AP2A2: variants seen among roughly 807,000 people sequenced by gnomAD.
The protein encoded by AP2A2 is AP-2 complex subunit alpha-2.
AP2A2 carries 32 observed loss-of-function variants against 104.2 expected under a neutral mutation model. The ratio of observed to expected loss-of-function variants is 0.31; its 90% confidence interval spans 0.23 to 0.41. The LOEUF is 0.41. Among genes scored for constraint, AP2A2 ranks in the 10% least tolerant of loss-of-function variants. The pLI, the probability that AP2A2 is intolerant of heterozygous loss-of-function variation, is 1.00. For missense variants in AP2A2, 912 were observed against 1,261.0 expected, an observed-to-expected ratio of 0.72 and a Z score of 4.19; for synonymous variants, 539 against 533.3, an observed-to-expected ratio of 1.01 and a Z score of -0.15.
chr11:971,276 G>A (rs912512339), intron 3 of AP2A2, among the ~76,000 whole-genome samples: 11 of 152,090 alleles, frequency 7.2e-5, no homozygotes, highest in Non-Finnish European at 1.6e-4. Flanking sequence ...GTTGAGCTGA[G>A]GCTGGAGGGA....
chr11:998,405 T>C (rs1252488625), intron 14 of AP2A2, among the ~76,000 whole-genome samples: 1 of 150,604 alleles, frequency 6.6e-6, no homozygotes, highest in Non-Finnish European at 1.5e-5. Context: ...TCATTTATCT[T>C]TGAGTAAAAT....
chr11:953,269 A>G (rs1294841098), intron 1 of AP2A2, among the ~76,000 whole-genome samples: 4 of 151,998 alleles, frequency 2.6e-5, no homozygotes, highest in Admixed American at 2.6e-4. Flanking sequence ...GGTTCAGGCA[A>G]TTCTTCCACT....
intron 1 of AP2A2, chr11:956,766 C>G (rs1015298104): frequency 1.3e-5 from 2 of 152,190 alleles, no homozygotes; most frequent in African/African-American, 4.8e-5. Flanking sequence ...TGTGCGTTTT[C>G]CCTCTTTTGT....
intron 14 of AP2A2, among the ~76,000 whole-genome samples, chr11:998,784 G>A (rs918508449): frequency 4.6e-5 from 7 of 152,004 alleles, no homozygotes; most frequent in Admixed American, 3.3e-4. Context: ...TGCAATCTCC[G>A]CCTCCTGGTT....
chr11:941,023 A>C, intron 1 of AP2A2: 1 of 408,602 alleles, frequency 2.4e-6, no homozygotes, highest in East Asian at 7.2e-5. Context: ...TGGAGCTCGG[A>C]GCTTTTGTGT....
At chr11:966,626 T>C (rs1256275837) in intron 2 of AP2A2, among the ~76,000 whole-genome samples, 1 of 152,196 alleles carries the variant, frequency 6.6e-6, no homozygotes, top group African/African-American at 2.4e-5. Flanking sequence ...CACACACTGT[T>C]GTTGGGGCTG....
At chr11:933,738 G>A (rs1853363013) in intron 1 of AP2A2, 1 of 439,420 alleles carries the variant, frequency 2.3e-6, no homozygotes, top group Non-Finnish European at 4.6e-6. Flanking sequence ...ACTCAGGAGC[G>A]GGGATGACCC....
chr11:974,910 G>A (rs972296350), intron 4 of AP2A2, among the ~76,000 whole-genome samples: 18 of 152,042 alleles, frequency 1.2e-4, no homozygotes, highest in African/African-American at 3.9e-4. Context: ...GCTTGAACCC[G>A]GGAGGCGGAG....
At chr11:994,390 C>G in intron 14 of AP2A2, 145 bp downstream of exon 14, 1 of 1,056,468 alleles carries the variant, frequency 9.5e-7, no homozygotes, top group Non-Finnish European at 1.3e-6. Context: ...GCTGTCCTGT[C>G]CTGGGGGCCA....
rs995357481 is a variant in AP2A2, at chr11:993,439, G to A, written c.1550+58G>A. ...CGCTCCGGCGGGCCTCTCGGTGGTC[G>A]GTGGCAAGAGGCGAGGCACCAGCTG... On this transcript the variant is annotated intron_variant, in intron 12 of 21. Transcript: ENST00000448903. This position sits in a 1 kb window ranked among gnomAD's most constrained non-coding sequence, Gnocchi z 8.2. The A allele has an allele frequency of 5.9e-6, 8 of 1,349,426 alleles. No individual in the cohort carries two copies. The Admixed American group carries it at 8.2e-5, about 14-fold the overall frequency. The allele number at this position is 1,349,426 out of a possible 1,614,324, so 83.6% of individuals were successfully genotyped here. A position where few individuals can be genotyped will look rare whatever the true frequency, so the allele number is the denominator to read the frequency against.
At position 971,977 on chromosome 11, in the gene AP2A2, G is replaced by A; in HGVS notation, c.280-85G>A. 3.7e-6 allele frequency: 5 copies of A among 1,348,176 alleles called. No individual in the cohort carries two copies. The South Asian group carries it at 4.2e-5, about 11-fold the overall frequency. 83.5% of individuals were successfully genotyped at this position (1,348,176 alleles called of 1,614,324 possible). A position where few individuals can be genotyped will look rare whatever the true frequency, so the allele number is the denominator to read the frequency against. On this transcript the variant is annotated intron_variant, in intron 3 of 21. Coordinates refer to ENST00000448903, the MANE Select transcript of AP2A2 (RefSeq NM_012305.4). The stretch of plus-strand genomic sequence containing the variant: ...GTGCCTGGGCTGCTTCCGCATCTGT[G>A]TGTCACTGATTGTTGGGTGACTCAG...
At position 994,104 on chromosome 11, in the gene AP2A2, G is replaced by A. The variant is rs143756303; in HGVS notation, c.1815G>A (p.Pro605=). The A allele has an allele frequency of 1.3e-4, 206 of 1,613,016 alleles. 1 individual carries two copies. In the East Asian group the frequency reaches 2.1e-3, roughly 17 times the overall value. The change falls in exon 14 of 22, where the codon CCG becomes CCA. Residue 605 remains proline, a synonymous_variant. Coordinates refer to ENST00000448903, the MANE Select transcript of AP2A2 (RefSeq NM_012305.4). The stretch of plus-strand genomic sequence containing the variant: ...TGCTGGAGGAGATGCCCCCATTCCC[G>A]GAGCGGGAGTCCTCCATCTTGGCAA... ...ATVLEEMPPF[P]ERESSILAKL... is the part of the protein sequence containing the mutation.
chr11:956,530 G>C (rs1482918292), intron 1 of AP2A2, among the ~76,000 whole-genome samples: 2 of 152,176 alleles, frequency 1.3e-5, no homozygotes, highest in African/African-American at 4.8e-5. Context: ...CCTGTGTGAT[G>C]AATAATTGTA....
intron 2 of AP2A2, among the ~76,000 whole-genome samples, chr11:959,737 G>A (rs1021976227): frequency 6.6e-6 from 1 of 152,232 alleles, no homozygotes; most frequent in Non-Finnish European, 1.5e-5. Flanking sequence ...CACTGGTCTA[G>A]TGCCCAGCTG....
intron 3 of AP2A2, 69 bp downstream of exon 3, chr11:970,380 G>T: frequency 6.4e-7 from 1 of 1,558,706 alleles, no homozygotes; most frequent in Non-Finnish European, 8.7e-7. Flanking sequence ...CCCGGTGCCC[G>T]TGTAGGGCCG....
intron 1 of AP2A2, among the ~76,000 whole-genome samples, chr11:954,517 T>G (rs898357235): frequency 1.3e-5 from 2 of 152,216 alleles, no homozygotes; most frequent in Non-Finnish European, 2.9e-5. Context: ...TGTGTACGTG[T>G]GTATTTCTGT....
chr11:937,946 CT>C, intron 1 of AP2A2, among the ~76,000 whole-genome samples: 1 of 152,212 alleles, frequency 6.6e-6, no homozygotes. Flanking sequence ...CGGTTTGCCC[CT>C]GAGATGCCTG....
At position 977,054 on chromosome 11, in the gene AP2A2, C is replaced by G. The variant is rs761964683; in HGVS notation, c.474-41C>G. 3 of 1,611,752 alleles carry G rather than the reference C, an allele frequency of 1.9e-6. No individual in the cohort carries two copies. In the South Asian group the frequency reaches 3.3e-5, roughly 18 times the overall value. On this transcript the variant is annotated intron_variant, in intron 4 of 21. Transcript: ENST00000448903. Reference sequence around the variant, plus strand: ...GGTGCTCCGTGCAGCTCTGCGCTGTCTTCAGCCTGTTGCGAGTGACTCTTG... The same window carrying G: ...GGTGCTCCGTGCAGCTCTGCGCTGTGTTCAGCCTGTTGCGAGTGACTCTTG...
At position 925,956 on chromosome 11, in the gene AP2A2, C is replaced by T. The variant is rs938747184; in HGVS notation, c.-66C>T. On this transcript the variant is annotated 5_prime_UTR_variant, in exon 1 of 22. Coordinates refer to ENST00000448903, the MANE Select transcript of AP2A2 (RefSeq NM_012305.4). Reference sequence around the variant, plus strand: ...CGGCGGTGACGGCGACCGCACTCCCCGCTTCCCGCTCCCCGCGCTCCTCCG... The same window carrying T: ...CGGCGGTGACGGCGACCGCACTCCCTGCTTCCCGCTCCCCGCGCTCCTCCG... 16 of 1,274,406 alleles carry T rather than the reference C, an allele frequency of 1.3e-5. No homozygotes were observed. The highest frequency in any genetic ancestry group is 1.6e-5 in the Non-Finnish European group (16 of 972,498). The allele number at this position is 1,274,406 out of a possible 1,614,324, so 78.9% of individuals were successfully genotyped here.
Sources: allele counts gnomAD v4.1 joint callset (sites outside exome capture counted in the v4.1 genomes callset), GRCh38; gene constraint gnomAD v4.1.1; non-coding constraint Gnocchi (gnomAD v3.1); transcripts MANE v1.5; gene names NCBI Gene and HGNC (gene_info 2026-07-23, HGNC 2026-07-21).